Variants in ABR observed in about 807,000 individuals in gnomAD.
ABR encodes active breakpoint cluster region-related protein.
A neutral mutation model predicts 107.2 loss-of-function variants in ABR; 35 were observed. The ratio of observed to expected loss-of-function variants is 0.33; its 90% CI spans 0.25 to 0.43. The LOEUF (loss-of-function observed/expected upper bound fraction) is 0.43, where lower values mean the gene tolerates loss of function less well. Among genes scored for constraint, ABR ranks in the 20% least tolerant of loss-of-function variants. ABR has a pLI of 1.00. For synonymous variants in ABR, 498 were observed against 462.0 expected (o/e 1.08, Z -1.00); for missense variants, 815 against 1,115.2 (o/e 0.73, Z 3.83).
At chr17:1,152,793 CA>C (rs1198479546) in intron 1 of ABR, among the ~76,000 whole-genome samples, 2 of 150,924 alleles carry the variant, frequency 1.3e-5, no homozygotes, top group Middle Eastern at 3.2e-3. Context: ...ACGTGGTTAA[CA>C]AAAAAAATTC....
intron 2 of ABR, chr17:1,108,906 C>G: frequency 6.4e-7 from 1 of 1,565,562 alleles, no homozygotes; most frequent in South Asian, 1.2e-5. Context: ...CGGCCCCCCC[C>G]AGCGCCCAGG....
At chr17:1,067,843 T>C (rs1251512703) in intron 9 of ABR, among the ~76,000 whole-genome samples, 4 of 152,322 alleles carry the variant, frequency 2.6e-5, no homozygotes, top group Middle Eastern at 3.4e-3. Flanking sequence ...GGCAGAAGCA[T>C]GTGTGCTTAT....
At chr17:1,217,695 ATTTTG>A (rs759025515) in intron 1 of ABR, among the ~76,000 whole-genome samples, 20 of 152,120 alleles carry the variant, frequency 1.3e-4, no homozygotes, top group Admixed American at 7.2e-4. Flanking sequence ...GCTCTTATTT[ATTTTG>A]TTTTGTTTTT....
chr17:1,186,288 C>A (rs987763640), intron 1 of ABR, among the ~76,000 whole-genome samples: 8 of 152,228 alleles, frequency 5.3e-5, no homozygotes, highest in Admixed American at 3.9e-4. Context: ...CTCAGCCTCC[C>A]GGCTTTTCCA....
In ABR at chr17:1,159,343, G is replaced by A. The variant is rs79641400; in HGVS notation, c.61+20324C>T. Among the ~76,000 whole-genome samples the A allele has an allele frequency of 2.0e-4, 19 of 93,444 alleles. 2 individuals are homozygous for A. Among genetic ancestry groups the A allele is most frequent in the African/African-American group, 2.9e-4 (8 of 27,172 alleles). The allele number at this position is 93,444 out of a possible 152,430, so 61.3% of individuals were successfully genotyped here. A position where few individuals can be genotyped will look rare whatever the true frequency, so the allele number is the denominator to read the frequency against. ...TAAGAATGCAGTACTCACGCACAAGGGAAGTATGCGGTACTCACACACAGG... is the reference window on the plus strand; with the variant it reads ...TAAGAATGCAGTACTCACGCACAAGAGAAGTATGCGGTACTCACACACAGG... On this transcript the variant is annotated intron_variant, in intron 1 of 22. Transcript: ENST00000302538.
chr17:1,027,149 G>A lies in ABR; in HGVS notation c.1792-13985C>T, dbSNP rs1249456759. ...GGTACTACAGCAACACTGGGCTCAGGCAGCTTTGGCCTTTGAGGAACCCCC... is the reference window on the plus strand; with the variant it reads ...GGTACTACAGCAACACTGGGCTCAGACAGCTTTGGCCTTTGAGGAACCCCC... On this transcript the variant is annotated intron_variant, in intron 16 of 22. Coordinates refer to ENST00000302538, the MANE Select transcript of ABR (RefSeq NM_021962.5). This position sits in a 1 kb window ranked among gnomAD's most constrained non-coding sequence, Gnocchi z 4.7. Among the ~76,000 whole-genome samples the A allele has an allele frequency of 1.3e-5, 2 of 152,218 alleles. No homozygotes were observed. Among genetic ancestry groups the A allele is most frequent in the Admixed American group, 6.5e-5 (1 of 15,288 alleles).
intron 14 of ABR, among the ~76,000 whole-genome samples, chr17:1,052,080 A>C (rs1319767765): frequency 6.6e-6 from 1 of 151,746 alleles, no homozygotes; most frequent in Admixed American, 6.6e-5. Context: ...TCAAAAAAAA[A>C]AAAACCAAAA....
chr17:1,179,651 C>T lies in ABR; in HGVS notation c.61+16G>A, dbSNP rs200775588. The T allele has an allele frequency of 6.5e-6, 10 of 1,526,796 alleles. No individual in the cohort carries two copies. The Admixed American group carries it at 1.8e-4, about 28-fold the overall frequency. The allele number at this position is 1,526,796 out of a possible 1,614,324, so 94.6% of individuals were successfully genotyped here. On this transcript the variant is annotated intron_variant, in intron 1 of 22. Transcript: ENST00000302538. This position sits in a 1 kb window ranked among gnomAD's most constrained non-coding sequence, Gnocchi z 4.9. The stretch of plus-strand genomic sequence containing the variant: ...GATCCCGATCCTGGGGTCCCGCCCC[C>T]GCCCGGCACACGTACTGCTGTAGAG...
chr17:1,068,538 C>T (rs765669843), intron 9 of ABR, among the ~76,000 whole-genome samples: 4 of 152,330 alleles, frequency 2.6e-5, no homozygotes, highest in East Asian at 1.9e-4. Context: ...TCCAGACTGC[C>T]GCTTCTCAGC....
intron 1 of ABR, among the ~76,000 whole-genome samples, chr17:1,209,968 A>G (rs2042870805): frequency 6.6e-6 from 1 of 152,218 alleles, no homozygotes; most frequent in African/African-American, 2.4e-5. Context: ...CTCCACGATG[A>G]TCTTTGCTGC....
intron 6 of ABR, among the ~76,000 whole-genome samples, chr17:1,075,387 C>T (rs972011568): frequency 2.0e-5 from 3 of 152,266 alleles, no homozygotes; most frequent in Admixed American, 6.5e-5. Context: ...AGCGTGAACA[C>T]GCACGCCCTA....
At chr17:1,074,538 A>G (rs1297884917) in intron 6 of ABR, among the ~76,000 whole-genome samples, 1 of 152,272 alleles carries the variant, frequency 6.6e-6, no homozygotes, top group Non-Finnish European at 1.5e-5. Context: ...AGACCTTATC[A>G]TTCTCAGGCT....
Position 1,012,115 on chromosome 17 carries a change from G to A in ABR, c.1962-130C>T, listed in dbSNP as rs750410954. ...GATGGAGAGCTGGGGCGGGGGCAGGGGCAGGGCAGAGAAAGAGGCCACCGC... is the reference window on the plus strand; with the variant it reads ...GATGGAGAGCTGGGGCGGGGGCAGGAGCAGGGCAGAGAAAGAGGCCACCGC... On this transcript the variant is annotated intron_variant, in intron 18 of 22. Transcript: ENST00000302538. The A allele has an allele frequency of 2.7e-6, 4 of 1,479,538 alleles. No homozygotes were observed. In the African/African-American group the frequency reaches 5.5e-5, roughly 21 times the overall value. 91.7% of individuals were successfully genotyped at this position (1,479,538 alleles called of 1,614,324 possible).
chr17:1,226,368 T>C (rs2043213801), intron 1 of ABR, among the ~76,000 whole-genome samples: 1 of 152,212 alleles, frequency 6.6e-6, no homozygotes, highest in Non-Finnish European at 1.5e-5. Flanking sequence ...TATGTGGCAG[T>C]GTGCACATGT....
At chr17:1,158,103 A>G (rs1467446339) in intron 1 of ABR, among the ~76,000 whole-genome samples, 1 of 152,106 alleles carries the variant, frequency 6.6e-6, no homozygotes, top group African/African-American at 2.4e-5. Context: ...TATTCCTGCA[A>G]TGGAATTCCA....
At chr17:1,120,945 G>A (rs1274962178) in intron 2 of ABR, among the ~76,000 whole-genome samples, 1 of 152,128 alleles carries the variant, frequency 6.6e-6, no homozygotes, top group Admixed American at 6.5e-5. Flanking sequence ...GTGGGGAGGC[G>A]GGTTTTCTGT....
rs1243338169 is a variant in ABR, at chr17:1,179,200, G to T, written c.61+467C>A. The stretch of plus-strand genomic sequence containing the variant: ...CTGGGCCCTGAACCACACATGACCC[G>T]GTGCCCCTGGGGTGGCAAACTCGGG... On this transcript the variant is annotated intron_variant, in intron 1 of 22. Coordinates refer to ENST00000302538, the MANE Select transcript of ABR (RefSeq NM_021962.5). This position sits in a 1 kb window ranked among gnomAD's most constrained non-coding sequence, Gnocchi z 4.9. Among the ~76,000 whole-genome samples the T allele has an allele frequency of 7.0e-6, 1 of 142,926 alleles. No homozygotes were observed. Among genetic ancestry groups the T allele is most frequent in the Non-Finnish European group, 1.5e-5 (1 of 64,606 alleles). The allele number at this position is 142,926 out of a possible 152,430, so 93.8% of individuals were successfully genotyped here. A position where few individuals can be genotyped will look rare whatever the true frequency, so the allele number is the denominator to read the frequency against.
chr17:1,049,027 T>C (rs2032108380), intron 16 of ABR, among the ~76,000 whole-genome samples: 2 of 152,128 alleles, frequency 1.3e-5, no homozygotes, highest in South Asian at 4.2e-4. Context: ...CTTTTCCCGC[T>C]CCCAAGCCTA....
Position 1,050,675 on chromosome 17 carries a change from C to A in ABR, c.1562-41G>T, listed in dbSNP as rs747471417. 1 of 1,559,080 alleles carries A rather than the reference C, an allele frequency of 6.4e-7. No homozygotes were observed. ...AGACGGAGATACTGAGTGAGTGGGG[C>A]CAGGGTGGGGCAGCTGGGGCGGCAC... On this transcript the variant is annotated intron_variant, in intron 14 of 22. Transcript: ENST00000302538. The surrounding 1 kb of genome is among the most constrained non-coding windows in gnomAD (Gnocchi z 4.6).
Sources: allele counts gnomAD v4.1 joint callset (sites outside exome capture counted in the v4.1 genomes callset), GRCh38; gene constraint gnomAD v4.1.1; non-coding constraint Gnocchi (gnomAD v3.1); transcripts MANE v1.5; gene names NCBI Gene and HGNC (gene_info 2026-07-23, HGNC 2026-07-21).